Variants in SLC14A2 observed in about 807,000 individuals in gnomAD.
SLC14A2 encodes urea transporter 2.
In SLC14A2, 91 loss-of-function variants were observed where a neutral mutation model predicts 104.6. The ratio of observed to expected loss-of-function variants is 0.87; its 90% CI spans 0.73 to 1.04. The LOEUF is 1.04. Ranked by LOEUF, SLC14A2 falls within the 50% of genes least tolerant of loss-of-function variation. The pLI is 0.00. For missense variants in SLC14A2, 1,189 were observed against 1,156.0 expected (o/e 1.03, Z -0.41); for synonymous variants, 476 against 466.4 (o/e 1.02, Z -0.27).
At chr18:45,355,342 G>A (rs1052772480) in intron 1 of SLC14A2, among the ~76,000 whole-genome samples, 7 of 151,978 alleles carry the variant, frequency 4.6e-5, no homozygotes, top group Non-Finnish European at 8.8e-5. Context: ...TTGGGAGGCC[G>A]AGGTGGGTGG....
intron 10 of SLC14A2, among the ~76,000 whole-genome samples, chr18:45,658,904 T>C (rs2045887729): frequency 6.6e-6 from 1 of 152,180 alleles, no homozygotes; most frequent in South Asian, 2.1e-4. Flanking sequence ...ATAACTGTTC[T>C]TTCCTTCTCT....
chr18:45,258,352 C>T (rs1480240326), intron 1 of SLC14A2, among the ~76,000 whole-genome samples: 1 of 142,374 alleles, frequency 7.0e-6, no homozygotes, highest in African/African-American at 2.8e-5. Context: ...CACAGACCAC[C>T]CCTGTTGCAA....
chr18:45,428,312 C>T (rs1346816081), intron 1 of SLC14A2, among the ~76,000 whole-genome samples: 2 of 152,154 alleles, frequency 1.3e-5, no homozygotes, highest in African/African-American at 2.4e-5. Context: ...TAAAACAATA[C>T]CTTTCAAGGG....
rs758600940 is a variant in SLC14A2, at chr18:45,624,658, C to G, written c.-7C>G. 13 of 1,607,510 alleles carry G rather than the reference C, an allele frequency of 8.1e-6. No individual in the cohort carries two copies. The East Asian group carries it at 1.8e-4, about 22-fold the overall frequency. ...CATCGATAGAAGAGTGGCTGTGACC[C>G]GAAGGAATGTCTGACCCCCACAGCA... On this transcript the variant is annotated 5_prime_UTR_variant, in exon 2 of 20. Coordinates refer to ENST00000255226, the MANE Select transcript of SLC14A2 (RefSeq NM_007163.4).
chr18:45,392,947 G>A (rs1171105867), intron 1 of SLC14A2, among the ~76,000 whole-genome samples: 1 of 152,172 alleles, frequency 6.6e-6, no homozygotes, highest in African/African-American at 2.4e-5. Flanking sequence ...TATACCTTAT[G>A]TGATCATATT....
chr18:45,554,518 T>C (rs937998889), intron 2 of SLC14A2, among the ~76,000 whole-genome samples: 4 of 152,280 alleles, frequency 2.6e-5, no homozygotes, highest in African/African-American at 9.6e-5. Context: ...GGAGGGAATT[T>C]GTTGGCAAGC....
At position 45,425,997 on chromosome 18, in the gene SLC14A2, A is replaced by G. The variant is rs1408139374; in HGVS notation, c.-124-57236A>G. Among the ~76,000 whole-genome samples, 23 of 101,054 alleles carry G rather than the reference A, an allele frequency of 2.3e-4. No homozygotes were observed. The Admixed American group carries it at 3.0e-3, about 13-fold the overall frequency. 66.3% of individuals were successfully genotyped at this position (101,054 alleles called of 152,430 possible). ...GAAGTGAGGCATGTTTGAACTACTC[A>G]CAACTCTCTTACATCCTTTTTGTCA... is the stretch of plus-strand genomic sequence containing the variant. On this transcript the variant is annotated intron_variant, in intron 1 of 20. Coordinates refer to the SLC14A2 transcript ENST00000586448.
At chr18:45,493,244 C>G (rs2043033154) in intron 2 of SLC14A2, 1 of 152,164 alleles carries the variant, frequency 6.6e-6, no homozygotes, top group Non-Finnish European at 1.5e-5. Context: ...TAATGATTTG[C>G]AACTTGTTTT....
chr18:45,342,315 G>C (rs1300498325), intron 1 of SLC14A2, among the ~76,000 whole-genome samples: 1 of 152,196 alleles, frequency 6.6e-6, no homozygotes, highest in East Asian at 1.9e-4. Flanking sequence ...ATAAGGGCTT[G>C]AGCTGAGATA....
chr18:45,213,676 A>G (rs2083981887), intron 1 of SLC14A2, among the ~76,000 whole-genome samples: 1 of 152,178 alleles, frequency 6.6e-6, no homozygotes, highest in South Asian at 2.1e-4. Flanking sequence ...TTTAAATCTT[A>G]TTGATTGGTT....
chr18:45,210,095 G>A (rs550551492), upstream of SLC14A2, among the ~76,000 whole-genome samples: 13 of 152,090 alleles, frequency 8.5e-5, no homozygotes, highest in East Asian at 1.9e-4. Context: ...GATCATGGTC[G>A]CTCGAGCCCA....
At chr18:45,196,771 A>G in the SLC14A2 span, among the ~76,000 whole-genome samples, 1 of 152,292 alleles carries the variant, frequency 6.6e-6, no homozygotes, top group South Asian at 2.1e-4. Context: ...TTGTCAGCAA[A>G]CTTCTCAAAC....
rs995659112 is a variant in SLC14A2, at chr18:45,239,064, G to T, written c.-125+25873G>T. Among the ~76,000 whole-genome samples, 3 of 152,284 alleles carry T rather than the reference G, an allele frequency of 2.0e-5. No individual in the cohort carries two copies. The East Asian group carries it at 5.8e-4, about 29-fold the overall frequency. On this transcript the variant is annotated intron_variant, in intron 1 of 20. Coordinates refer to the SLC14A2 transcript ENST00000586448. ...TAAGAAAAAGGTGCATATGTTGAAA[G>T]AAAGTTTCCTACCGGGAATGTTGGC...
chr18:45,562,365 G>T (rs1339459782), intron 2 of SLC14A2, among the ~76,000 whole-genome samples: 1 of 152,226 alleles, frequency 6.6e-6, no homozygotes, highest in Non-Finnish European at 1.5e-5. Context: ...ATGGATATGG[G>T]TCTTATCAGG....
At chr18:45,456,870 A>G (rs866359831) in intron 1 of SLC14A2, among the ~76,000 whole-genome samples, 1 of 151,970 alleles carries the variant, frequency 6.6e-6, no homozygotes, top group African/African-American at 2.4e-5. Flanking sequence ...TGAGGTAAAG[A>G]CAGCCTTTGG....
chr18:45,555,062 T>TA lies in SLC14A2; in HGVS notation c.-34-69569_-34-69568insA. ...GGATGTAGTAGTTGCTCAATAAATA[T>TA]TTGTTGACTAGAACCAAATTGAATG... On this transcript the variant is annotated intron_variant, in intron 2 of 20. Coordinates refer to the SLC14A2 transcript ENST00000586448. Among the ~76,000 whole-genome samples, 4 of 152,326 alleles carry TA rather than the reference T, an allele frequency of 2.6e-5. 1 individual carries two copies. The East Asian group carries it at 7.7e-4, about 29-fold the overall frequency.
At chr18:45,526,080 G>A (rs544058875) in intron 2 of SLC14A2, among the ~76,000 whole-genome samples, 45 of 152,332 alleles carry the variant, frequency 3.0e-4, no homozygotes, top group Non-Finnish European at 5.6e-4. Context: ...GTATTGGAAC[G>A]TTCCCCACAT....
chr18:45,632,262 A>C, intron 4 of SLC14A2, 88 bp from the exon 5 acceptor site: 1 of 1,490,972 alleles, frequency 6.7e-7, no homozygotes, highest in South Asian at 1.3e-5. Context: ...GGAATCATCT[A>C]AATTAAGCAT....
intron 1 of SLC14A2, among the ~76,000 whole-genome samples, chr18:45,348,620 G>T (rs977139600): frequency 1.3e-5 from 2 of 152,198 alleles, no homozygotes; most frequent in Non-Finnish European, 2.9e-5. Context: ...TTTAACAGAT[G>T]AATGTTGGAC....
Sources: allele counts gnomAD v4.1 joint callset (sites outside exome capture counted in the v4.1 genomes callset), GRCh38; gene constraint gnomAD v4.1.1; transcripts MANE v1.5; gene names NCBI Gene and HGNC (gene_info 2026-07-23, HGNC 2026-07-21).